The following LNX2 variants were observed in gnomAD, a reference collection of about 807,000 sequenced individuals.
The protein encoded by LNX2 is ligand of numb-protein X 2.
In LNX2, 35 loss-of-function variants were observed where a neutral mutation model predicts 66.2. The observed-to-expected ratio is 0.53, with a 90% CI of 0.40 to 0.70. The LOEUF (loss-of-function observed/expected upper bound fraction) is 0.70, where lower values mean the gene tolerates loss of function less well. Ranked by LOEUF, LNX2 falls within the 30% of genes least tolerant of loss-of-function variation. LNX2 has a pLI of 0.00. For synonymous variants in LNX2, 337 were observed against 315.6 expected (o/e 1.07, Z -0.72); for missense variants, 791 against 850.8 (o/e 0.93, Z 0.87).
chr13:27,598,736 G>A (rs758680152), intron 1 of LNX2, among the ~76,000 whole-genome samples: 2 of 152,118 alleles, frequency 1.3e-5, no homozygotes, highest in Non-Finnish European at 2.9e-5. Context: ...AGTATATACT[G>A]TACCTAGTAC....
Position 27,608,582 on chromosome 13 carries a change from T to C in LNX2, c.-101+11793A>G, listed in dbSNP as rs553871683. Among the ~76,000 whole-genome samples, 8 of 152,324 alleles carry C rather than the reference T, an allele frequency of 5.3e-5. No homozygotes were observed. In the South Asian group the frequency reaches 1.7e-3, roughly 32 times the overall value. ...AAAATCAACATGTATCCCTTATATCTTCATGTAGTTTATAATGTATACAAT... is the reference window on the plus strand; with the variant it reads ...AAAATCAACATGTATCCCTTATATCCTCATGTAGTTTATAATGTATACAAT... On this transcript the variant is annotated intron_variant, in intron 1 of 9. Transcript: ENST00000316334.
chr13:27,595,950 T>C (rs1483288403), intron 1 of LNX2, among the ~76,000 whole-genome samples: 1 of 152,182 alleles, frequency 6.6e-6, no homozygotes, highest in Non-Finnish European at 1.5e-5. Flanking sequence ...TTAGGAACCA[T>C]ATGCTAAGAC....
chr13:27,616,286 GA>G (rs1048731391), intron 1 of LNX2, among the ~76,000 whole-genome samples: 3 of 152,174 alleles, frequency 2.0e-5, no homozygotes, highest in Non-Finnish European at 4.4e-5. Context: ...GGGATCAACA[GA>G]AAGGAATGTC....
chr13:27,608,299 G>C (rs1235091722), intron 1 of LNX2, among the ~76,000 whole-genome samples: 1 of 152,144 alleles, frequency 6.6e-6, no homozygotes, highest in Non-Finnish European at 1.5e-5. Context: ...TCAAAATAGA[G>C]TAATCATACT....
At chr13:27,612,636 T>C (rs1367796846) in intron 1 of LNX2, among the ~76,000 whole-genome samples, 2 of 152,242 alleles carry the variant, frequency 1.3e-5, no homozygotes, top group African/African-American at 4.8e-5. Flanking sequence ...CTCACTCTTG[T>C]TGCCCAGGCT....
chr13:27,605,818 A>G (rs1292981161), intron 1 of LNX2, among the ~76,000 whole-genome samples: 1 of 152,204 alleles, frequency 6.6e-6, no homozygotes, highest in Non-Finnish European at 1.5e-5. Flanking sequence ...AATTCTGTCC[A>G]CTTATATTTC....
chr13:27,548,143 C>G lies in LNX2; in HGVS notation c.*192G>C. On this transcript the variant is annotated 3_prime_UTR_variant, in exon 10 of 10. Coordinates refer to ENST00000316334, the MANE Select transcript of LNX2 (RefSeq NM_153371.4). ...CACAAAGGTTAGTGGAAGACTGTTT[C>G]CAAGCTAAAAGAAATGTAACTAACT... 1 of 554,416 alleles carries G rather than the reference C, an allele frequency of 1.8e-6. No individual in the cohort carries two copies. 34.3% of individuals were successfully genotyped at this position (554,416 alleles called of 1,614,324 possible).
intron 8 of LNX2, among the ~76,000 whole-genome samples, chr13:27,551,631 A>G (rs559812853): frequency 5.0e-4 from 71 of 141,536 alleles, no homozygotes; most frequent in Non-Finnish European, 8.7e-4. Flanking sequence ...TAATATAAAT[A>G]ATTAATTTTA....
chr13:27,556,356 G>A lies in LNX2; in HGVS notation c.1426C>T (p.His476Tyr). The A allele has an allele frequency of 6.2e-7, 1 of 1,614,014 alleles. No homozygotes were observed. The highest frequency in any genetic ancestry group is 8.5e-7 in the Non-Finnish European group (1 of 1,179,970). The stretch of plus-strand genomic sequence containing the variant: ...GCAACGGTCATGCCAAGGGATTCAT[G>A]TGGTTCCTTCTTTACAGTAATGTGT... ...EKHITVKKEP[H>Y]ESLGMTVAGG... Residue 476 changes from histidine (H) to tyrosine (Y), a missense_variant, in exon 7 of 10, where the codon CAT (histidine) becomes TAT (tyrosine). Transcript: ENST00000316334.
chr13:27,591,883 G>A (rs145022372), intron 1 of LNX2, among the ~76,000 whole-genome samples: 18 of 152,328 alleles, frequency 1.2e-4, no homozygotes, highest in Admixed American at 2.6e-4. Context: ...CTGAGAAGGT[G>A]GCATTTGAAT....
intron 8 of LNX2, 107 bp downstream of exon 8, chr13:27,553,101 T>C: frequency 1.1e-6 from 1 of 929,642 alleles, no homozygotes. Context: ...TTTACTGAAT[T>C]AAAGCTTTTT....
intron 1 of LNX2, among the ~76,000 whole-genome samples, chr13:27,584,773 C>G (rs1055466546): frequency 6.6e-6 from 1 of 152,166 alleles, no homozygotes; most frequent in African/African-American, 2.4e-5. Flanking sequence ...GCATAGGATT[C>G]AGGCAGGACA....
At chr13:27,553,718 C>A (rs1955030082) in intron 7 of LNX2, among the ~76,000 whole-genome samples, 1 of 152,150 alleles carries the variant, frequency 6.6e-6, no homozygotes, top group Non-Finnish European at 1.5e-5. Flanking sequence ...AATCATCAGT[C>A]TGAGTTTAGC....
chr13:27,602,115 C>T (rs1955663693), intron 1 of LNX2, among the ~76,000 whole-genome samples: 1 of 150,624 alleles, frequency 6.6e-6, no homozygotes, highest in South Asian at 2.1e-4. Flanking sequence ...AATTTAAATA[C>T]AAAAAAAATG....
At chr13:27,572,907 A>G (rs1314926912) in intron 2 of LNX2, among the ~76,000 whole-genome samples, 1 of 152,248 alleles carries the variant, frequency 6.6e-6, no homozygotes, top group South Asian at 2.1e-4. Context: ...TGATAAAAAT[A>G]GCTAGGGAAT....
chr13:27,550,611 T>G (rs993704572), intron 8 of LNX2, 120 bp from the exon 9 acceptor site: 2 of 673,576 alleles, frequency 3.0e-6, no homozygotes, highest in Admixed American at 5.9e-5. Context: ...AAAAGGGCTA[T>G]TAATAAATAG....
At chr13:27,570,008 T>A (rs1566120180) in intron 2 of LNX2, among the ~76,000 whole-genome samples, 3 of 152,298 alleles carry the variant, frequency 2.0e-5, no homozygotes, top group Middle Eastern at 3.4e-3. Flanking sequence ...AAGGAGCCGA[T>A]GGATGCTTGT....
chr13:27,551,846 T>C (rs1955011605), intron 8 of LNX2, among the ~76,000 whole-genome samples: 1 of 152,176 alleles, frequency 6.6e-6, no homozygotes, highest in Admixed American at 6.5e-5. Context: ...AACAGCTTTC[T>C]TGTATACCCC....
At chr13:27,604,745 G>C (rs1204770956) in intron 1 of LNX2, among the ~76,000 whole-genome samples, 1 of 151,684 alleles carries the variant, frequency 6.6e-6, no homozygotes, top group African/African-American at 2.4e-5. Flanking sequence ...ATGGCTCAAA[G>C]GGTTGAAACA....
Sources: gnomAD v4.1 joint callset for allele counts (sites outside exome capture counted in the v4.1 genomes callset) on GRCh38, gnomAD v4.1.1 for gene constraint, MANE v1.5 for transcripts, NCBI Gene and HGNC (gene_info 2026-07-23, HGNC 2026-07-21) for gene names.